Variants in RAB1A observed in about 807,000 individuals in gnomAD.
RAB1A encodes the protein ras-related protein Rab-1A.
A neutral mutation model predicts 26.0 loss-of-function variants in RAB1A; 2 were observed. That is an observed-to-expected ratio of 0.08 (90% CI 0.03 to 0.24). The LOEUF (loss-of-function observed/expected upper bound fraction) is 0.24. RAB1A is among the 10% of genes least tolerant of loss of function. The probability of loss-of-function intolerance (pLI) is 1.00; values close to 1 mark genes in which losing one functional copy is unlikely to be tolerated. For missense variants in RAB1A, 100 were observed against 247.0 expected (o/e 0.40, Z 3.99); for synonymous variants, 84 against 84.9 (o/e 0.99, Z 0.06).
Position 65,130,105 on chromosome 2 carries a change from A to C in RAB1A, c.-190T>G. The C allele has an allele frequency of 8.3e-5, 56 of 675,072 alleles. No homozygotes were observed. The highest frequency in any genetic ancestry group is 1.0e-4 in the Non-Finnish European group (39 of 386,572). 41.8% of individuals were successfully genotyped at this position (675,072 alleles called of 1,614,324 possible). On this transcript the variant is annotated 5_prime_UTR_variant, in exon 1 of 6. Coordinates refer to ENST00000409784, the MANE Select transcript of RAB1A (RefSeq NM_004161.5). ...CACTCAGCTATCGCTTCCACCCAAAATGGCCGCCGGCGAACCAGGAAATAG... is the reference window on the plus strand; with the variant it reads ...CACTCAGCTATCGCTTCCACCCAAACTGGCCGCCGGCGAACCAGGAAATAG...
intron 2 of RAB1A, among the ~76,000 whole-genome samples, chr2:65,098,584 G>A (rs939482767): frequency 1.3e-5 from 2 of 151,556 alleles, no homozygotes; most frequent in Non-Finnish European, 2.9e-5. Context: ...CTTTTGAAGT[G>A]GACAATTCAG....
Position 65,088,655 on chromosome 2 carries a change from T to G in RAB1A, c.456A>C (p.Glu152Asp). The change falls in exon 6 of 6, where the codon GAA becomes GAC. Residue 152 changes from glutamate to aspartate, a missense_variant. Glu to Asp is a conservative substitution (Grantham distance 45). Transcript: ENST00000409784. ...FADSLGIPFLETSAKNATNVE... is the reference protein window; with the variant it reads ...FADSLGIPFLDTSAKNATNVE... ...CATTCGTTGCATTCTTAGCACTGGT[T>G]TCCAAAAACGGAATTCCAAGGGAAT... is the stretch of plus-strand genomic sequence containing the variant. 1 of 1,610,834 alleles carries G rather than the reference T, an allele frequency of 6.2e-7. No homozygotes were observed. Among genetic ancestry groups the G allele is most frequent in the Non-Finnish European group, 8.5e-7 (1 of 1,178,716 alleles).
chr2:65,096,968 T>C (rs1447995570), intron 3 of RAB1A, among the ~76,000 whole-genome samples: 1 of 152,228 alleles, frequency 6.6e-6, no homozygotes, highest in African/African-American at 2.4e-5. Flanking sequence ...TCAGGTGTCA[T>C]CACACACATT....
chr2:65,103,240 G>A (rs1016971554), intron 2 of RAB1A, among the ~76,000 whole-genome samples: 4 of 138,954 alleles, frequency 2.9e-5, no homozygotes, highest in African/African-American at 1.1e-4. Context: ...AGAACAGCTT[G>A]AGCCTGGGAG....
At chr2:65,118,416 GA>G (rs111885504) in intron 1 of RAB1A, among the ~76,000 whole-genome samples, 7 of 150,942 alleles carry the variant, frequency 4.6e-5, no homozygotes, top group East Asian at 3.9e-4. Context: ...TTAAAAAACA[GA>G]AAAAAAAACT....
rs1272606404 is a variant in RAB1A at position 65,088,431 on chromosome 2, T to C, written c.*62A>G. 1 of 1,409,112 alleles carries C rather than the reference T, an allele frequency of 7.1e-7. No individual in the cohort carries two copies. The allele number at this position is 1,409,112 out of a possible 1,614,324, so 87.3% of individuals were successfully genotyped here. A position where few individuals can be genotyped will look rare whatever the true frequency, so the allele number is the denominator to read the frequency against. On this transcript the variant is annotated 3_prime_UTR_variant, in exon 6 of 6. Transcript: ENST00000409784. ...ACATACAGTACAATTCAGGCAATTT[T>C]GTTTTTTCACTTGGGTTCAGATTGC...
chr2:65,112,780 T>G (rs1669731747), intron 1 of RAB1A, among the ~76,000 whole-genome samples: 1 of 152,224 alleles, frequency 6.6e-6, no homozygotes, highest in Non-Finnish European at 1.5e-5. Flanking sequence ...AGAAAAATTA[T>G]TTTTGCTATC....
chr2:65,106,543 A>G (rs1669565366), intron 1 of RAB1A, among the ~76,000 whole-genome samples: 1 of 151,328 alleles, frequency 6.6e-6, no homozygotes, highest in African/African-American at 2.4e-5. Flanking sequence ...GCAAATTACC[A>G]TATTATACTT....
intron 1 of RAB1A, among the ~76,000 whole-genome samples, chr2:65,108,641 T>C (rs1287432243): frequency 6.6e-6 from 1 of 151,694 alleles, no homozygotes; most frequent in Admixed American, 6.6e-5. Context: ...ATCCCGTCTT[T>C]ACTAAAAATA....
chr2:65,102,987 C>T (rs1485790730), intron 2 of RAB1A, among the ~76,000 whole-genome samples: 1 of 151,232 alleles, frequency 6.6e-6, no homozygotes, highest in African/African-American at 2.4e-5. Context: ...CAGCTTACAA[C>T]TCAAAAAACT....
At chr2:65,109,400 G>C (rs1669642840) in intron 1 of RAB1A, among the ~76,000 whole-genome samples, 1 of 152,066 alleles carries the variant, frequency 6.6e-6, no homozygotes, top group African/African-American at 2.4e-5. Context: ...AATTATGCTA[G>C]TTTAGAAACC....
Position 65,105,177 on chromosome 2 carries a change from G to A in RAB1A, c.24-371C>T, listed in dbSNP as rs370194666. 3.7e-4 allele frequency among the ~76,000 whole-genome samples: 57 copies of A among 152,212 alleles called. 6 individuals are homozygous for A. The highest frequency in any genetic ancestry group is 2.9e-3 in the East Asian group (15 of 5,178). On this transcript the variant is annotated intron_variant, in intron 1 of 5. Transcript: ENST00000409784. Reference sequence around the variant, plus strand: ...GAATACAGAAAGGTAACTTTTCATTGTTTTTGCCCATGAAATATTAGTCTC... The same window carrying A: ...GAATACAGAAAGGTAACTTTTCATTATTTTTGCCCATGAAATATTAGTCTC...
Position 65,088,658 on chromosome 2 carries a change from C to T in RAB1A, c.453G>A (p.Leu151=). The T allele has an allele frequency of 6.2e-7, 1 of 1,609,318 alleles. No individual in the cohort carries two copies. The change falls in exon 6 of 6, where the codon TTG becomes TTA. Residue 151 remains leucine, a synonymous_variant. Transcript: ENST00000409784. ...EFADSLGIPF[L]ETSAKNATNV... is the part of the protein sequence containing the mutation. The stretch of plus-strand genomic sequence containing the variant: ...TCGTTGCATTCTTAGCACTGGTTTC[C>T]AAAAACGGAATTCCAAGGGAATCAG...
chr2:65,099,326 A>T (rs187414833), intron 2 of RAB1A, among the ~76,000 whole-genome samples: 2 of 152,262 alleles, frequency 1.3e-5, no homozygotes, highest in East Asian at 3.8e-4. Flanking sequence ...TTTTAAAATT[A>T]TAACTGCTTC....
At chr2:65,111,715 T>C (rs2103861641) in intron 1 of RAB1A, among the ~76,000 whole-genome samples, 1 of 152,348 alleles carries the variant, frequency 6.6e-6, no homozygotes, top group African/African-American at 2.4e-5. Flanking sequence ...GAACTCCACA[T>C]TGATTTCACA....
At chr2:65,108,403 C>T (rs1669615668) in intron 1 of RAB1A, among the ~76,000 whole-genome samples, 2 of 150,760 alleles carry the variant, frequency 1.3e-5, no homozygotes, top group South Asian at 4.2e-4. Context: ...TTCCTAATTG[C>T]ACTACAAGTT....
chr2:65,099,501 G>A (rs911636493), intron 2 of RAB1A, among the ~76,000 whole-genome samples: 1 of 152,188 alleles, frequency 6.6e-6, no homozygotes, highest in Non-Finnish European at 1.5e-5. Flanking sequence ...GGTCTAATGA[G>A]AACGGCACTG....
At chr2:65,121,706 A>G (rs1372538568) in intron 1 of RAB1A, among the ~76,000 whole-genome samples, 1 of 152,192 alleles carries the variant, frequency 6.6e-6, no homozygotes, top group African/African-American at 2.4e-5. Flanking sequence ...TACATTCCAG[A>G]TATCAAAGCA....
chr2:65,091,218 C>A, intron 3 of RAB1A, 140 bp from the exon 4 acceptor site: 1 of 608,202 alleles, frequency 1.6e-6, no homozygotes, highest in South Asian at 2.2e-5. Context: ...GTCCTCAACT[C>A]ATACCACTAA....
Sources: allele counts gnomAD v4.1 joint callset (sites outside exome capture counted in the v4.1 genomes callset), GRCh38; gene constraint gnomAD v4.1.1; transcripts MANE v1.5; gene names NCBI Gene and HGNC (gene_info 2026-07-23, HGNC 2026-07-21).